The following EFL1 variants were observed in gnomAD, a reference collection of about 807,000 sequenced individuals.
EFL1 encodes elongation factor-like GTPase 1.
EFL1 carries 76 observed loss-of-function variants against 126.7 expected under a neutral mutation model. The observed-to-expected ratio is 0.60, with a 90% CI of 0.50 to 0.73. The LOEUF (loss-of-function observed/expected upper bound fraction) is 0.73. Among genes scored for constraint, EFL1 ranks in the 30% least tolerant of loss-of-function variants. The pLI is 0.00. For synonymous variants in EFL1, 410 were observed against 448.4 expected (o/e 0.91, Z 1.08); for missense variants, 1,128 against 1,343.2 (o/e 0.84, Z 2.50).
At chr15:82,149,853 G>A (rs1479394151) in intron 18 of EFL1, among the ~76,000 whole-genome samples, 2 of 152,166 alleles carry the variant, frequency 1.3e-5, no homozygotes, top group Non-Finnish European at 2.9e-5. Flanking sequence ...GCTGTGCACT[G>A]GCCATCAATA....
chr15:82,133,930 C>G (rs2073690749), intron 19 of EFL1, among the ~76,000 whole-genome samples: 2 of 152,246 alleles, frequency 1.3e-5, no homozygotes, highest in South Asian at 2.1e-4. Flanking sequence ...TTCACTGAAT[C>G]AGGAGCAGGC....
chr15:82,150,695 A>G (rs2073897408), intron 18 of EFL1, among the ~76,000 whole-genome samples: 1 of 152,210 alleles, frequency 6.6e-6, no homozygotes, highest in African/African-American at 2.4e-5. Flanking sequence ...AGGATTTGAT[A>G]TAATGGTTAG....
At position 82,133,313 on chromosome 15, in the gene EFL1, A is replaced by G. The variant is rs557975996; in HGVS notation, c.3175-2752T>C. On this transcript the variant is annotated intron_variant, in intron 19 of 19. Transcript: ENST00000268206. ...TTGCGGCTGAAAACACTCATAATCT[A>G]TCAACTGATACAGGGTTGTTGTGAA... 4.6e-5 allele frequency among the ~76,000 whole-genome samples: 7 copies of G among 152,268 alleles called. No individual in the cohort carries two copies. The South Asian group carries it at 1.5e-3, about 32-fold the overall frequency.
chr15:82,152,402 A>G lies in EFL1; in HGVS notation c.2052T>C (p.Ser684=). The G allele has an allele frequency of 3.1e-6, 5 of 1,609,720 alleles. No individual in the cohort carries two copies. The highest frequency in any genetic ancestry group is 4.2e-6 in the Non-Finnish European group (5 of 1,179,184). The part of the protein sequence containing the change: ...LKERFAKIHI[S]VSEPIIPFRE... The stretch of plus-strand genomic sequence containing the variant: ...TGAATGGAATAATAGGTTCAGATAC[A>G]CTGATATGAATCTTTGCAAACCTAC... Residue 684 remains serine, a synonymous_variant, in exon 18 of 20, where the codon AGT becomes AGC. Transcript: ENST00000268206.
At chr15:82,145,652 T>C (rs1009346745) in intron 18 of EFL1, among the ~76,000 whole-genome samples, 2 of 151,370 alleles carry the variant, frequency 1.3e-5, no homozygotes, top group African/African-American at 4.9e-5. Context: ...GCCAACAAGG[T>C]GAAACCCCCA....
At chr15:82,153,955 CAAG>C (rs1184844494) in intron 17 of EFL1, among the ~76,000 whole-genome samples, 1 of 152,122 alleles carries the variant, frequency 6.6e-6, no homozygotes, top group Non-Finnish European at 1.5e-5. Context: ...TTAGAACACT[CAAG>C]AAAACCAACG....
At chr15:82,219,934 GAAAAC>G (rs766972172) in intron 13 of EFL1, 116 bp from the exon 14 acceptor site, 225 of 1,481,310 alleles carry the variant, frequency 1.5e-4, no homozygotes, top group Non-Finnish European at 1.9e-4. Flanking sequence ...GGAAAAAAAA[GAAAAC>G]AAAACAAAAC....
At chr15:82,159,059 T>C (rs1055324140) in intron 16 of EFL1, among the ~76,000 whole-genome samples, 2 of 152,212 alleles carry the variant, frequency 1.3e-5, no homozygotes, top group Non-Finnish European at 2.9e-5. Flanking sequence ...ACATATGGAA[T>C]GCAAAGAATC....
chr15:82,186,333 C>T (rs2074303383), intron 15 of EFL1, among the ~76,000 whole-genome samples: 1 of 152,086 alleles, frequency 6.6e-6, no homozygotes, highest in South Asian at 2.1e-4. Flanking sequence ...GGGGGAAAGG[C>T]CATTAACATA....
intron 15 of EFL1, among the ~76,000 whole-genome samples, chr15:82,185,896 C>G (rs887785083): frequency 1.9e-4 from 29 of 152,100 alleles, no homozygotes; most frequent in African/African-American, 6.8e-4. Flanking sequence ...TTTAAAATCT[C>G]TATGTTTATT....
In EFL1 at chr15:82,229,022, T is replaced by G. The variant is rs1650645554; in HGVS notation, c.932+12A>C. 3 of 1,604,054 alleles carry G rather than the reference T, an allele frequency of 1.9e-6. No homozygotes were observed. The East Asian group carries it at 6.7e-5, about 36-fold the overall frequency. ...CCTAAAGATGCCTAAAGGTAAACAATAAGAGTCTTACTTTTTCAAAACAGC... is the reference window on the plus strand; with the variant it reads ...CCTAAAGATGCCTAAAGGTAAACAAGAAGAGTCTTACTTTTTCAAAACAGC... On this transcript the variant is annotated intron_variant, in intron 9 of 19. Transcript: ENST00000268206.
intron 4 of EFL1, among the ~76,000 whole-genome samples, chr15:82,252,264 T>C (rs1169413998): frequency 1.3e-5 from 2 of 152,258 alleles, no homozygotes; most frequent in East Asian, 1.9e-4. Context: ...TTCTGTCAGA[T>C]AAATTCCTAG....
chr15:82,222,271 G>A (rs2074719833), intron 12 of EFL1, among the ~76,000 whole-genome samples: 1 of 152,152 alleles, frequency 6.6e-6, no homozygotes, highest in Admixed American at 6.5e-5. Flanking sequence ...AGGGAGACTG[G>A]AAACTTAAGT....
intron 4 of EFL1, among the ~76,000 whole-genome samples, chr15:82,247,929 A>G (rs2074988224): frequency 6.6e-6 from 1 of 152,102 alleles, no homozygotes; most frequent in Non-Finnish European, 1.5e-5. Flanking sequence ...TGGAAAGGAG[A>G]TAACTCAAGC....
At position 82,241,382 on chromosome 15, in the gene EFL1, T is replaced by C; in HGVS notation, c.266A>G (p.Asn89Ser). The change falls in exon 5 of 20, where the codon AAT becomes AGT. Residue 89 changes from asparagine (N) to serine (S), a missense_variant. Asn to Ser is a conservative substitution (Grantham distance 46). This residue lies in a region of EFL1 where 118 missense variants were observed against 188.1 expected (regional missense o/e 0.63). Transcript: ENST00000268206. ...YATGNEEYLI[N>S]LIDSPGHVDF... ...CACGTGTCCTGGAGAGTCTATCAGA[T>C]TGATCAGGTACTCCTCATTACCTAA... 6.2e-6 allele frequency: 10 copies of C among 1,614,102 alleles called. No individual in the cohort carries two copies. The highest frequency in any genetic ancestry group is 8.5e-6 in the Non-Finnish European group (10 of 1,179,970).
intron 15 of EFL1, among the ~76,000 whole-genome samples, chr15:82,189,460 C>T (rs1373625757): frequency 6.6e-6 from 1 of 152,130 alleles, no homozygotes; most frequent in Non-Finnish European, 1.5e-5. Flanking sequence ...AATTCTGCAG[C>T]CAAGAAGAGA....
chr15:82,240,079 A>G (rs916675244), intron 6 of EFL1, among the ~76,000 whole-genome samples: 3 of 152,248 alleles, frequency 2.0e-5, no homozygotes, highest in African/African-American at 7.2e-5. Flanking sequence ...CTGAATAAAT[A>G]AATGAATGAA....
At chr15:82,219,575 C>T in intron 14 of EFL1, 77 bp downstream of exon 14, 1 of 1,457,008 alleles carries the variant, frequency 6.9e-7, no homozygotes, top group Admixed American at 2.2e-5. Flanking sequence ...ACAAGATAAT[C>T]ACCAGTCCCA....
chr15:82,193,331 C>T (rs2074378171), intron 15 of EFL1, among the ~76,000 whole-genome samples: 2 of 152,174 alleles, frequency 1.3e-5, no homozygotes, highest in South Asian at 4.1e-4. Context: ...CTGTATTAAG[C>T]AGCTATGCAG....
Sources: gnomAD v4.1 joint callset for allele counts (sites outside exome capture counted in the v4.1 genomes callset) on GRCh38, gnomAD v4.1.1 for gene constraint, gnomAD v4.1.1 regional missense constraint, MANE v1.5 for transcripts, NCBI Gene and HGNC (gene_info 2026-07-23, HGNC 2026-07-21) for gene names.